Variants in CSMD1 observed in about 807,000 individuals in gnomAD.
CSMD1 encodes the protein CUB and Sushi multiple domains 1, also known as CUB and sushi domain-containing protein 1.
CSMD1 carries 213 observed loss-of-function variants against 417.5 expected under a neutral mutation model. That is an observed-to-expected ratio of 0.51 (90% CI 0.46 to 0.57). The LOEUF (loss-of-function observed/expected upper bound fraction) is 0.57, where lower values mean the gene tolerates loss of function less well. CSMD1 is among the 20% of genes least tolerant of loss of function. The pLI, the probability that CSMD1 is intolerant of heterozygous loss-of-function variation, is 0.00. For missense variants in CSMD1, 6,923 were observed against 4,529.7 expected, an observed-to-expected ratio of 1.53 and a Z score of -15.17; for synonymous variants, 2,862 against 1,736.8, an observed-to-expected ratio of 1.65 and a Z score of -16.11.
chr8:4,294,133 C>A, intron 3 of CSMD1, among the ~76,000 whole-genome samples: 1 of 152,244 alleles, frequency 6.6e-6, no homozygotes, highest in Middle Eastern at 3.4e-3. Flanking sequence ...ATGACACTGA[C>A]GTCTGATTAA....
chr8:4,457,756 G>A (rs1400691540), intron 2 of CSMD1, among the ~76,000 whole-genome samples: 2 of 152,118 alleles, frequency 1.3e-5, no homozygotes, highest in East Asian at 1.9e-4. Context: ...CAGCAGCATA[G>A]GACACCTCTT....
At chr8:4,994,209 G>C (rs1563951753) in intron 1 of CSMD1, 123 bp downstream of exon 1, 9 of 806,090 alleles carry the variant, frequency 1.1e-5, no homozygotes, top group Non-Finnish European at 1.8e-5. Flanking sequence ...CTTCGGCGAT[G>C]GAGCAGCGCC....
intron 1 of CSMD1, among the ~76,000 whole-genome samples, chr8:4,927,771 C>A (rs1806969017): frequency 6.6e-6 from 1 of 152,156 alleles, no homozygotes; most frequent in South Asian, 2.1e-4. Flanking sequence ...TCCATTTGCT[C>A]AGACTGAAAC....
intron 1 of CSMD1, among the ~76,000 whole-genome samples, chr8:4,811,548 T>C (rs1798909239): frequency 6.6e-6 from 1 of 152,118 alleles, no homozygotes; most frequent in Admixed American, 6.6e-5. Flanking sequence ...TTCCCAATAT[T>C]GACATGGAAA....
At chr8:3,699,017 C>T (rs972774823) in intron 7 of CSMD1, among the ~76,000 whole-genome samples, 6 of 152,188 alleles carry the variant, frequency 3.9e-5, no homozygotes, top group Non-Finnish European at 8.8e-5. Context: ...TCCTTGTACC[C>T]ACATCCCACC....
chr8:3,598,942 A>T (rs1003191358), intron 8 of CSMD1, among the ~76,000 whole-genome samples: 1 of 152,096 alleles, frequency 6.6e-6, no homozygotes, highest in Non-Finnish European at 1.5e-5. Flanking sequence ...TTAACTGGGC[A>T]TGGTGGAGTG....
chr8:4,036,593 G>C (rs919149120), intron 3 of CSMD1, among the ~76,000 whole-genome samples: 1 of 152,160 alleles, frequency 6.6e-6, no homozygotes. Flanking sequence ...ATTTTTAATA[G>C]GGAAAAATTA....
chr8:4,480,389 C>T (rs921842582), intron 2 of CSMD1, among the ~76,000 whole-genome samples: 2 of 152,068 alleles, frequency 1.3e-5, no homozygotes, highest in Admixed American at 1.3e-4. Flanking sequence ...ATATTTGAGC[C>T]TTAATTTAAG....
At chr8:4,318,645 A>C (rs1189166461) in intron 3 of CSMD1, among the ~76,000 whole-genome samples, 1 of 96,668 alleles carries the variant, frequency 1.0e-5, no homozygotes, top group Non-Finnish European at 2.7e-5. Context: ...TTCTAAATTT[A>C]AGACGTCACT....
intron 3 of CSMD1, among the ~76,000 whole-genome samples, chr8:4,311,141 G>C (rs68024807): frequency 6.6e-6 from 1 of 151,954 alleles, no homozygotes; most frequent in Non-Finnish European, 1.5e-5. Flanking sequence ...CAGCAATACC[G>C]TGACTGGCTG....
At chr8:4,194,875 G>C (rs1049498559) in intron 3 of CSMD1, among the ~76,000 whole-genome samples, 1 of 151,936 alleles carries the variant, frequency 6.6e-6, no homozygotes, top group Non-Finnish European at 1.5e-5. Context: ...ATTTTCATTG[G>C]TCAGCCACAT....
rs1037030286 is a variant in CSMD1, at chr8:4,472,859, T to G, written c.303-52794A>C. On this transcript the variant is annotated intron_variant, in intron 2 of 69. Transcript: ENST00000635120. ...TTCTGTAAGTGTGATGACATATGAT[T>G]AAACATAGTTATTCACTTTTAGAAA... Among the ~76,000 whole-genome samples the G allele has an allele frequency of 5.9e-5, 9 of 152,104 alleles. No individual in the cohort carries two copies. The East Asian group carries it at 1.7e-3, about 29-fold the overall frequency.
chr8:4,024,922 G>A (rs530224280), intron 4 of CSMD1, among the ~76,000 whole-genome samples: 10 of 150,400 alleles, frequency 6.6e-5, no homozygotes, highest in African/African-American at 2.4e-4. Context: ...CATGTAAAAA[G>A]GTGGTGTTCA....
At chr8:3,733,901 T>G (rs909031973) in intron 6 of CSMD1, among the ~76,000 whole-genome samples, 2 of 152,126 alleles carry the variant, frequency 1.3e-5, no homozygotes, top group Non-Finnish European at 2.9e-5. Flanking sequence ...GAGAAAAGCA[T>G]AGTTTATGTA....
intron 8 of CSMD1, among the ~76,000 whole-genome samples, chr8:3,613,718 C>T (rs1361274171): frequency 3.6e-5 from 4 of 112,548 alleles, no homozygotes; most frequent in African/African-American, 1.3e-4. Flanking sequence ...CACACACACA[C>T]ACACACACAC....
intron 5 of CSMD1, among the ~76,000 whole-genome samples, chr8:3,858,290 G>A (rs1382642039): frequency 6.6e-6 from 1 of 152,080 alleles, no homozygotes; most frequent in Non-Finnish European, 1.5e-5. Flanking sequence ...AAACCCTCAG[G>A]ATTTCATTAA....
intron 8 of CSMD1, among the ~76,000 whole-genome samples, chr8:3,614,898 C>G (rs1416422347): frequency 1.3e-5 from 2 of 151,524 alleles, no homozygotes; most frequent in Non-Finnish European, 2.9e-5. Context: ...CAAAGGGGCA[C>G]AGAAGGAAAG....
intron 18 of CSMD1, among the ~76,000 whole-genome samples, chr8:3,376,291 G>A (rs953323495): frequency 6.6e-6 from 1 of 151,924 alleles, no homozygotes; most frequent in Non-Finnish European, 1.5e-5. Flanking sequence ...TGGATGAAAA[G>A]GGTAACCAAT....
intron 1 of CSMD1, among the ~76,000 whole-genome samples, chr8:4,970,773 G>A (rs186964702): frequency 6.6e-6 from 1 of 152,030 alleles, no homozygotes; most frequent in Admixed American, 6.6e-5. Context: ...CCAAACAAGG[G>A]TCTTAATTTT....
Sources: allele counts gnomAD v4.1 joint callset (sites outside exome capture counted in the v4.1 genomes callset), GRCh38; gene constraint gnomAD v4.1.1; transcripts MANE v1.5; gene names NCBI Gene and HGNC (gene_info 2026-07-23, HGNC 2026-07-21).